Variants in EBF1 observed in about 807,000 individuals in gnomAD.
EBF1 encodes the protein transcription factor COE1.
EBF1 carries 10 observed loss-of-function variants against 68.4 expected under a neutral mutation model. The observed-to-expected ratio is 0.15, with a 90% CI of 0.09 to 0.25. The LOEUF (loss-of-function observed/expected upper bound fraction) is 0.25. Ranked by LOEUF, EBF1 falls within the 10% of genes least tolerant of loss-of-function variation. The probability of loss-of-function intolerance (pLI) is 1.00; values close to 1 mark genes in which losing one functional copy is unlikely to be tolerated. For missense variants in EBF1, 509 were observed against 794.4 expected, an observed-to-expected ratio of 0.64 and a Z score of 4.32; for synonymous variants, 298 against 299.8, an observed-to-expected ratio of 0.99 and a Z score of 0.06.
At chr5:158,831,835 T>A (rs1234602899) in intron 7 of EBF1, among the ~76,000 whole-genome samples, 1 of 152,164 alleles carries the variant, frequency 6.6e-6, no homozygotes, top group South Asian at 2.1e-4. Context: ...AGTCATTCAA[T>A]GTGTCAGAAG....
Position 158,697,910 on chromosome 5 carries a change from A to G in EBF1, c.*1201T>C, listed in dbSNP as rs1223859829. 4.8e-6 allele frequency: 1 copy of G among 208,496 alleles called. No homozygotes were observed. Among genetic ancestry groups the G allele is most frequent in the African/African-American group, 2.3e-5 (1 of 43,948 alleles). 12.9% of individuals were successfully genotyped at this position (208,496 alleles called of 1,614,324 possible). On this transcript the variant is annotated 3_prime_UTR_variant, in exon 16 of 16. Coordinates refer to ENST00000313708, the MANE Select transcript of EBF1 (RefSeq NM_024007.5). ...CCAGATAATGAGAGCAAAAATTCCC[A>G]TAGAACAGAAAACTATGTTTTGGAG... is the stretch of plus-strand genomic sequence containing the variant.
At chr5:158,806,987 T>G (rs1173462532) in intron 8 of EBF1, among the ~76,000 whole-genome samples, 1 of 152,168 alleles carries the variant, frequency 6.6e-6, no homozygotes, top group East Asian at 1.9e-4. Flanking sequence ...AAATACAAAT[T>G]ATTTCCTCAG....
intron 6 of EBF1, chr5:158,983,501 C>T (rs1758325737): frequency 6.6e-6 from 1 of 152,084 alleles, no homozygotes; most frequent in Non-Finnish European, 1.5e-5. Context: ...ATAGGACAAA[C>T]CTGAACTAAT....
At chr5:158,815,693 T>G (rs990695441) in intron 8 of EBF1, among the ~76,000 whole-genome samples, 3 of 152,196 alleles carry the variant, frequency 2.0e-5, no homozygotes, top group Admixed American at 6.5e-5. Flanking sequence ...TCATGAACCC[T>G]TCAGTCTGTC....
rs1048238776 is a variant in EBF1 at position 159,015,540 on chromosome 5, C to T, written c.554+57856G>A. On this transcript the variant is annotated intron_variant, in intron 6 of 15. Transcript: ENST00000313708. Reference sequence around the variant, plus strand: ...CTCAGGCTGGGAAGTTGTCTTGGGCCGGGCTGTTCTCTTCAGGATGCCTGT... The same window carrying T: ...CTCAGGCTGGGAAGTTGTCTTGGGCTGGGCTGTTCTCTTCAGGATGCCTGT... Among the ~76,000 whole-genome samples the T allele has an allele frequency of 3.3e-5, 5 of 152,256 alleles. No individual in the cohort carries two copies. The South Asian group carries it at 6.2e-4, about 19-fold the overall frequency.
At chr5:159,092,975 T>A (rs1204267399) in intron 4 of EBF1, among the ~76,000 whole-genome samples, 1 of 152,240 alleles carries the variant, frequency 6.6e-6, no homozygotes, top group Non-Finnish European at 1.5e-5. Context: ...TATATTAAAC[T>A]AAAATCAAAG....
intron 6 of EBF1, among the ~76,000 whole-genome samples, chr5:158,853,962 G>T (rs1793480450): frequency 1.3e-5 from 2 of 152,138 alleles, no homozygotes; most frequent in Admixed American, 6.5e-5. Flanking sequence ...GAACTCAAGA[G>T]TCAACGTCTT....
At chr5:158,983,901 T>TGTGA (rs1471054494) in intron 6 of EBF1, 5 of 127,238 alleles carry the variant, frequency 3.9e-5, no homozygotes, top group African/African-American at 1.2e-4. Flanking sequence ...TGTAAGAGTG[T>TGTGA]GTGTGTGTGT....
chr5:158,884,170 A>G (rs1799526481), intron 6 of EBF1, among the ~76,000 whole-genome samples: 1 of 152,220 alleles, frequency 6.6e-6, no homozygotes, highest in Non-Finnish European at 1.5e-5. Context: ...TTTTGGTTCA[A>G]AGAACAGAAT....
At position 159,099,513 on chromosome 5, in the gene EBF1, C is replaced by A. The variant is rs377375867; in HGVS notation, c.-35G>T. On this transcript the variant is annotated 5_prime_UTR_variant, in exon 1 of 16. Coordinates refer to ENST00000313708, the MANE Select transcript of EBF1 (RefSeq NM_024007.5). ...CTTTTCTTGTGGAAAATCTCCTCCC[C>A]CTTGAAAAAAATTAAAAAAAAAAAA... is the stretch of plus-strand genomic sequence containing the variant. 8 of 1,371,582 alleles carry A rather than the reference C, an allele frequency of 5.8e-6. No homozygotes were observed. The highest frequency in any genetic ancestry group is 5.2e-5 in the African/African-American group (3 of 57,760). 85.0% of individuals were successfully genotyped at this position (1,371,582 alleles called of 1,614,324 possible).
At chr5:158,796,024 T>C (rs969303361) in intron 9 of EBF1, among the ~76,000 whole-genome samples, 3 of 152,172 alleles carry the variant, frequency 2.0e-5, no homozygotes, top group African/African-American at 7.2e-5. Flanking sequence ...GCTTTTTCTA[T>C]ACATCTTGTG....
intron 1 of EBF1, among the ~76,000 whole-genome samples, chr5:159,098,375 G>A (rs892417394): frequency 1.3e-5 from 2 of 152,212 alleles, no homozygotes; most frequent in Non-Finnish European, 2.9e-5. Context: ...GGTGACAGGG[G>A]CTGGAGAAGA....
At chr5:158,703,115 C>A (rs972517178) in intron 15 of EBF1, among the ~76,000 whole-genome samples, 4 of 152,052 alleles carry the variant, frequency 2.6e-5, no homozygotes, top group Non-Finnish European at 4.4e-5. Context: ...TAAATGAAGT[C>A]CTCTGAGGCC....
intron 6 of EBF1, among the ~76,000 whole-genome samples, chr5:158,995,881 G>A (rs1443436061): frequency 4.6e-5 from 7 of 152,276 alleles, no homozygotes; most frequent in East Asian, 1.9e-4. Context: ...GACTCGCAAT[G>A]CAATTTTATC....
intron 6 of EBF1, among the ~76,000 whole-genome samples, chr5:158,876,279 G>C (rs1797797887): frequency 6.6e-6 from 1 of 152,130 alleles, no homozygotes; most frequent in Non-Finnish European, 1.5e-5. Flanking sequence ...ACCTCTAATA[G>C]GTAGTATTAT....
chr5:158,795,275 A>G (rs1779408577), intron 9 of EBF1, among the ~76,000 whole-genome samples: 1 of 152,226 alleles, frequency 6.6e-6, no homozygotes, highest in African/African-American at 2.4e-5. Flanking sequence ...GTGGCCATAT[A>G]CAAATCACTT....
intron 6 of EBF1, among the ~76,000 whole-genome samples, chr5:159,051,494 GTTTCGGCTT>G (rs571099543): frequency 3.5e-4 from 51 of 146,426 alleles, no homozygotes; most frequent in African/African-American, 1.2e-3. Flanking sequence ...TGCGACTCGT[GTTTCGGCTT>G]TCGCTGGCGA....
chr5:158,989,303 T>C (rs541080978), intron 6 of EBF1, among the ~76,000 whole-genome samples: 20 of 152,316 alleles, frequency 1.3e-4, no homozygotes, highest in Non-Finnish European at 2.5e-4. Context: ...GTGCTTAGTT[T>C]TTAACACAAT....
At chr5:158,931,389 C>T (rs909731805) in intron 6 of EBF1, among the ~76,000 whole-genome samples, 1 of 152,146 alleles carries the variant, frequency 6.6e-6, no homozygotes, top group African/African-American at 2.4e-5. Flanking sequence ...AAATTGTTTT[C>T]CTTCCTCATG....
Sources: allele counts gnomAD v4.1 joint callset (sites outside exome capture counted in the v4.1 genomes callset), GRCh38; gene constraint gnomAD v4.1.1; transcripts MANE v1.5; gene names NCBI Gene and HGNC (gene_info 2026-07-23, HGNC 2026-07-21).